The following NBPF20 variants were observed in gnomAD, a reference collection of about 807,000 sequenced individuals.
The protein encoded by NBPF20 is NBPF family member NBPF20.
Under a neutral mutation model 68.1 loss-of-function variants are expected in NBPF20, and 90 were observed. The ratio of observed to expected loss-of-function variants is 1.32; its 90% confidence interval spans 1.11 to 1.58. NBPF20 has a LOEUF of 1.58. Among genes scored for constraint, NBPF20 ranks in the 40% most tolerant of loss-of-function variants. The pLI is 0.00. For missense variants in NBPF20, 816 were observed against 601.2 expected (o/e 1.36, Z -3.74); for synonymous variants, 290 against 228.1 (o/e 1.27, Z -2.45).
At chr1:145,400,109 G>T (rs1662446775) in intron 6 of NBPF20, among the ~76,000 whole-genome samples, 1 of 152,308 alleles carries the variant, frequency 6.6e-6, no homozygotes, top group East Asian at 1.9e-4. Context: ...AAGAGATACT[G>T]AATCGAAGCT....
chr1:145,394,586 C>T (rs1329782303), intron 8 of NBPF20, among the ~76,000 whole-genome samples: 3 of 152,010 alleles, frequency 2.0e-5, no homozygotes, highest in Non-Finnish European at 2.9e-5. Flanking sequence ...TAAAGAACCA[C>T]ACAGACATGC....
the NBPF20 span, among the ~76,000 whole-genome samples, chr1:145,410,697 T>C: frequency 9.3e-6 from 1 of 107,544 alleles, no homozygotes; most frequent in Middle Eastern, 4.2e-3. Context: ...GCAATATATA[T>C]ATATGTGTGT....
chr1:145,393,603 C>G (rs1413154247), intron 9 of NBPF20: 2 of 676,968 alleles, frequency 3.0e-6, no homozygotes, highest in Non-Finnish European at 5.0e-6. Context: ...AGCATGTCCT[C>G]AATAATTTTG....
At chr1:145,412,346 G>C in the NBPF20 span, among the ~76,000 whole-genome samples, 2 of 151,986 alleles carry the variant, frequency 1.3e-5, no homozygotes, top group South Asian at 4.2e-4. Context: ...TTCAGATTAA[G>C]ACACCCTTGG....
chr1:145,297,908 T>A, intron 130 of NBPF20, 54 bp downstream of exon 135: 1 of 99,302 alleles, frequency 1.0e-5, no homozygotes, highest in South Asian at 6.0e-5. Flanking sequence ...AGGAATATGA[T>A]CTTTATATGG....
At chr1:145,298,050 A>G in exon 130 of NBPF20, 2 of 261,484 alleles carry the variant, frequency 7.6e-6, no homozygotes, top group Non-Finnish European at 1.3e-5. Context: ...GCTGTTCAAG[A>G]CAACTGGAAG....
intron 9 of NBPF20, among the ~76,000 whole-genome samples, chr1:145,393,458 AAC>A (rs370259133): frequency 0.39 from 57,116 of 145,024 alleles, 10,414 homozygotes; most frequent in East Asian, 0.53. Flanking sequence ...CACACACACA[AAC>A]ACACACACAC....
exon 138 of NBPF20, chr1:145,291,535 G>C: frequency 6.2e-7 from 1 of 1,611,992 alleles, no homozygotes; most frequent in Non-Finnish European, 8.5e-7. Context: ...TTTATTGTGG[G>C]AATATGACTC....
intron 61 of NBPF20, among the ~76,000 whole-genome samples, chr1:145,352,326 C>G (rs1416694465): frequency 3.3e-5 from 3 of 90,924 alleles, no homozygotes; most frequent in East Asian, 3.3e-4. Flanking sequence ...CACACACACA[C>G]ACAGACACAC....
At chr1:145,421,359 T>G in the NBPF20 span, among the ~76,000 whole-genome samples, 1 of 152,108 alleles carries the variant, frequency 6.6e-6, no homozygotes, top group Admixed American at 6.5e-5. Flanking sequence ...CCCCAAAATC[T>G]TAGCAGCAAC....
At chr1:145,402,367 A>C in exon 4 of NBPF20, 1 of 1,604,796 alleles carries the variant, frequency 6.2e-7, no homozygotes, top group Non-Finnish European at 8.5e-7. Context: ...AGCGTGAACC[A>C]GGACTTTATA....
chr1:145,395,908 CA>C (rs1300491192), intron 7 of NBPF20, among the ~76,000 whole-genome samples: 7 of 145,630 alleles, frequency 4.8e-5, no homozygotes, highest in Non-Finnish European at 7.4e-5. Context: ...AACCAGAGCA[CA>C]AAAGCTGAAA....
exon 138 of NBPF20, chr1:145,291,725 T>A (rs781900543): frequency 3.1e-6 from 5 of 1,611,942 alleles, no homozygotes; most frequent in East Asian, 4.5e-5. Context: ...CAGTGAGTCC[T>A]GTAAGACTTC....
chr1:145,393,462 C>A (rs587657032), intron 9 of NBPF20, among the ~76,000 whole-genome samples: 163 of 132,306 alleles, frequency 1.2e-3, no homozygotes, highest in African/African-American at 4.3e-3. Context: ...CACACAAACA[C>A]ACACACACAC....
chr1:145,393,923 T>C (rs1292885353), exon 9 of NBPF20: 22 of 1,420,072 alleles, frequency 1.5e-5, no homozygotes, highest in Non-Finnish European at 1.9e-5. Flanking sequence ...TTTCACTTGA[T>C]CCCACCGATG....
At position 145,405,311 on chromosome 1, in the gene NBPF20, G is replaced by C; in HGVS notation, c.-35-4C>G. 6.4e-7 allele frequency: 1 copy of C among 1,574,548 alleles called. No homozygotes were observed. The highest frequency in any genetic ancestry group is 1.1e-5 in the South Asian group (1 of 90,138). ...GCAGAAGAGGTGGAGTCAGGGACTG[G>C]GGAGAAGAAACCCAAACATATGATG... On this transcript the variant is annotated splice_region_variant and splice_polypyrimidine_tract_variant and intron_variant, in intron 1 of 137. Coordinates refer to ENST00000369373, the Ensembl canonical transcript of NBPF20.
At chr1:145,409,315 G>A (rs1429255059), upstream of NBPF20, among the ~76,000 whole-genome samples, 2 of 148,890 alleles carry the variant, frequency 1.3e-5, no homozygotes, top group Non-Finnish European at 3.0e-5. Context: ...CCGCGTTTGG[G>A]CTATTATGAA....
At chr1:145,393,863 T>C in intron 9 of NBPF20, 21 bp downstream of exon 14, 1 of 1,544,518 alleles carries the variant, frequency 6.5e-7, no homozygotes. Flanking sequence ...AAATTAACTC[T>C]CCACAATTTC....
intron 5 of NBPF20, 56 bp downstream of exon 10, chr1:145,401,003 C>A (rs1662496756): frequency 1.3e-6 from 2 of 1,529,724 alleles, no homozygotes; most frequent in African/African-American, 2.7e-5. Flanking sequence ...GGTGTGCCTC[C>A]TAGATATTCC....
Sources: gnomAD v4.1 joint callset for allele counts (sites outside exome capture counted in the v4.1 genomes callset) on GRCh38, gnomAD v4.1.1 for gene constraint, MANE v1.5 for transcripts, NCBI Gene and HGNC (gene_info 2026-07-23, HGNC 2026-07-21) for gene names.